The following PLEKHG4B variants were observed in gnomAD, a reference collection of about 807,000 sequenced individuals.
The protein encoded by PLEKHG4B is pleckstrin homology and RhoGEF domain containing G4B, also known as pleckstrin homology domain-containing family G member 4B.
PLEKHG4B carries 111 observed loss-of-function variants against 121.3 expected under a neutral mutation model. That is an observed-to-expected ratio of 0.92 (90% CI 0.78 to 1.07). The LOEUF is 1.07. Ranked by LOEUF, PLEKHG4B falls within the 50% of genes least tolerant of loss-of-function variation. PLEKHG4B has a pLI of 0.00. For synonymous variants in PLEKHG4B, 738 were observed against 725.0 expected (o/e 1.02, Z -0.29); for missense variants, 1,831 against 1,757.8 (o/e 1.04, Z -0.74).
intron 13 of PLEKHG4B, among the ~76,000 whole-genome samples, chr5:164,620 GTGACGGAGCGGAGCTCACACTAATGCTC>G (rs1560944977): frequency 1.5e-5 from 2 of 132,288 alleles, no homozygotes; most frequent in African/African-American, 5.5e-5. Flanking sequence ...CAGTAATGCT[GTGACGGAGCGGAGCTCACACTAATGCTC>G]TGACGGGCGG....
chr5:168,166 G>T (rs1031575121), intron 13 of PLEKHG4B, among the ~76,000 whole-genome samples: 4 of 152,186 alleles, frequency 2.6e-5, no homozygotes, highest in Non-Finnish European at 5.9e-5. Flanking sequence ...GCTCTTCAAA[G>T]ACTCAGAAGT....
intron 1 of PLEKHG4B, among the ~76,000 whole-genome samples, chr5:104,644 G>A (rs1560896436): frequency 1.3e-5 from 2 of 152,142 alleles, no homozygotes; most frequent in African/African-American, 2.4e-5. Context: ...AGTATACAAG[G>A]TAATTTTGAT....
chr5:150,499 T>C (rs555977210), intron 6 of PLEKHG4B, among the ~76,000 whole-genome samples: 6 of 152,252 alleles, frequency 3.9e-5, no homozygotes, highest in African/African-American at 1.4e-4. Flanking sequence ...ATGATGATGA[T>C]AGTGTTTCAC....
rs763960942 is a variant in PLEKHG4B at position 151,569 on chromosome 5, A to G, written c.1962A>G (p.Ala654=). Residue 654 remains alanine, a synonymous_variant, in exon 7 of 20, where the codon GCA becomes GCG. Coordinates refer to ENST00000637938, the MANE Select transcript of PLEKHG4B (RefSeq NM_052909.5). The part of the protein sequence containing the change: ...SILLLVDKES[A]FRPDKDAIIQ... ...TGCTGTTGGTAGATAAAGAATCTGCATTTAGGCCTGACAAGGATGCAATAA... is the reference window on the plus strand; with the variant it reads ...TGCTGTTGGTAGATAAAGAATCTGCGTTTAGGCCTGACAAGGATGCAATAA... The G allele has an allele frequency of 6.3e-6, 10 of 1,592,440 alleles. No individual in the cohort carries two copies. In the South Asian group the frequency reaches 1.1e-4, roughly 18 times the overall value.
rs1363214365 is a variant in PLEKHG4B at position 186,905 on chromosome 5, C to G, written c.*4582C>G. On this transcript the variant is annotated 3_prime_UTR_variant, in exon 20 of 20. Coordinates refer to ENST00000637938, the MANE Select transcript of PLEKHG4B (RefSeq NM_052909.5). ...GAAGGTGTGTGATTTCCTCCCCCAC[C>G]TCAGTACTGGGACCCCCAGGAAGGG... 6.6e-6 allele frequency: 1 copy of G among 152,516 alleles called. No individual in the cohort carries two copies. Among genetic ancestry groups the G allele is most frequent in the Non-Finnish European group, 1.5e-5 (1 of 68,310 alleles). The allele number at this position is 152,516 out of a possible 1,614,324, so 9.4% of individuals were successfully genotyped here. A position where few individuals can be genotyped will look rare whatever the true frequency, so the allele number is the denominator to read the frequency against.
intron 16 of PLEKHG4B, among the ~76,000 whole-genome samples, chr5:172,606 C>A (rs1042794636): frequency 2.6e-5 from 4 of 152,342 alleles, no homozygotes; most frequent in Admixed American, 2.0e-4. Context: ...GTGGGACGCT[C>A]ACCCCCTGAG....
Position 182,299 on chromosome 5 carries a change from GCTGAGCCGCACACGCCAGGC to G in PLEKHG4B, c.4865_4884del (p.Ser1622MetfsTer57). ...TGTGTGAGGGGGCTCCTGCTGTGCT[GCTGAGCCGCACACGCCAGGC>G]CTGATGACTGTCAGGGTGGCAGTGC... On this transcript the variant is annotated frameshift_variant, in exon 20 of 20. Coordinates refer to ENST00000637938, the MANE Select transcript of PLEKHG4B (RefSeq NM_052909.5). LOFTEE classifies it high-confidence loss of function. The G allele has an allele frequency of 6.2e-7, 1 of 1,609,810 alleles. No individual in the cohort carries two copies. Among genetic ancestry groups the G allele is most frequent in the Non-Finnish European group, 8.5e-7 (1 of 1,178,952 alleles).
chr5:157,954 G>A lies in PLEKHG4B; in HGVS notation c.2487+1043G>A, dbSNP rs1315996115. Among the ~76,000 whole-genome samples the A allele has an allele frequency of 1.3e-5, 2 of 152,270 alleles. No homozygotes were observed. The highest frequency in any genetic ancestry group is 3.9e-4 in the East Asian group (2 of 5,174). On this transcript the variant is annotated intron_variant, in intron 11 of 19. Transcript: ENST00000637938. This position sits in a 1 kb window ranked among gnomAD's most constrained non-coding sequence, Gnocchi z 4.6. ...CCTCCAGACAAAGACGTGCAGCAGG[G>A]ACGCGAGGCACTGTGCATGCTCCTG...
chr5:181,057 T>G (rs1736916042), intron 18 of PLEKHG4B, among the ~76,000 whole-genome samples: 1 of 152,234 alleles, frequency 6.6e-6, no homozygotes, highest in South Asian at 2.1e-4. Context: ...TTTGCTTAAT[T>G]TGACCAAGAA....
chr5:160,523 G>A (rs1159762836), intron 11 of PLEKHG4B, among the ~76,000 whole-genome samples: 1 of 152,092 alleles, frequency 6.6e-6, no homozygotes, highest in African/African-American at 2.4e-5. Context: ...CTCTTCACAC[G>A]TTTATTATTT....
Position 143,142 on chromosome 5 carries a change from C to T in PLEKHG4B, c.1573C>T (p.His525Tyr), listed in dbSNP as rs202070082. The change falls in exon 4 of 20, where the codon CAC (histidine) becomes TAC (tyrosine). Residue 525 changes from histidine (H) to tyrosine (Y), a missense_variant. Coordinates refer to ENST00000637938, the MANE Select transcript of PLEKHG4B (RefSeq NM_052909.5). ...GPSDVPARQP[H>Y]PEQEGWPPGT... Reference sequence around the variant, plus strand: ...TTCCGATGTGCCTGCCCGGCAGCCACACCCCGAGCAAGAAGGGTGGCCACC... The same window carrying T: ...TTCCGATGTGCCTGCCCGGCAGCCATACCCCGAGCAAGAAGGGTGGCCACC... 208 of 1,612,666 alleles carry T rather than the reference C, an allele frequency of 1.3e-4. No homozygotes were observed. The highest frequency in any genetic ancestry group is 9.7e-4 in the Admixed American group (58 of 60,034).
chr5:162,066 C>T lies in PLEKHG4B; in HGVS notation c.2649+122C>T, dbSNP rs975584276. ...CTGTGGGACAGAGGCCGGGCACCTG[C>T]GATGGAGCCCCCCTGGCCACTGCGC... On this transcript the variant is annotated intron_variant, in intron 12 of 19. Transcript: ENST00000637938. 163 of 1,276,468 alleles carry T rather than the reference C, an allele frequency of 1.3e-4. 1 individual carries two copies. Among genetic ancestry groups the T allele is most frequent in the East Asian group, 9.2e-4 (36 of 39,328 alleles). The allele number at this position is 1,276,468 out of a possible 1,614,324, so 79.1% of individuals were successfully genotyped here.
In PLEKHG4B at chr5:174,010, C is replaced by A. The variant is rs755120984; in HGVS notation, c.4314C>A (p.Tyr1438Ter). 2 of 1,610,462 alleles carry A rather than the reference C, an allele frequency of 1.2e-6. No homozygotes were observed. Among genetic ancestry groups the A allele is most frequent in the Admixed American group, 1.7e-5 (1 of 59,442 alleles). ...GGCGGCGGAAATCTCAGGACACCTA[C>A]ATTCTCCAAGCAAGCTCGGCAGAGG... The part of the protein sequence containing the change: ...FRRRRKSQDT[Y>*]ILQASSAEVK... Residue 1438 changes from tyrosine (Y) to a stop codon, truncating the protein, a stop_gained, in exon 18 of 20, where the codon TAC (tyrosine) becomes TAA (stop). Coordinates refer to ENST00000637938, the MANE Select transcript of PLEKHG4B (RefSeq NM_052909.5). LOFTEE classifies it high-confidence loss of function.
intron 2 of PLEKHG4B, among the ~76,000 whole-genome samples, chr5:128,519 G>C (rs1184623507): frequency 6.6e-6 from 1 of 152,144 alleles, no homozygotes; most frequent in Non-Finnish European, 1.5e-5. Flanking sequence ...GTTTCTTGGG[G>C]TTTTTTGGCC....
chr5:135,706 T>TATACATAC (rs1734962905), intron 2 of PLEKHG4B, among the ~76,000 whole-genome samples: 1 of 95,380 alleles, frequency 1.0e-5, no homozygotes, highest in African/African-American at 5.2e-5. Flanking sequence ...TATATATATA[T>TATACATAC]ATATATATAT....
At chr5:131,836 G>T (rs1003473930) in intron 2 of PLEKHG4B, among the ~76,000 whole-genome samples, 2 of 152,174 alleles carry the variant, frequency 1.3e-5, no homozygotes, top group Non-Finnish European at 2.9e-5. Flanking sequence ...TCTCATTGTG[G>T]TTTTGATTAG....
intron 2 of PLEKHG4B, among the ~76,000 whole-genome samples, chr5:117,859 CA>C (rs1734348850): frequency 6.6e-6 from 1 of 151,532 alleles, no homozygotes; most frequent in Non-Finnish European, 1.5e-5. Flanking sequence ...TCAAAAAGAA[CA>C]AAAAACGTTT....
intron 1 of PLEKHG4B, among the ~76,000 whole-genome samples, chr5:98,188 T>C (rs920307088): frequency 6.6e-6 from 1 of 152,080 alleles, no homozygotes; most frequent in African/African-American, 2.4e-5. Context: ...TGGTTTTAGG[T>C]CTTGTGTTTA....
chr5:180,544 C>T (rs550958722), intron 18 of PLEKHG4B, among the ~76,000 whole-genome samples: 1 of 152,308 alleles, frequency 6.6e-6, no homozygotes, highest in South Asian at 2.1e-4. Flanking sequence ...CACATCTGCC[C>T]AGGACATTGG....
Sources: gnomAD v4.1 joint callset for allele counts (sites outside exome capture counted in the v4.1 genomes callset) on GRCh38, gnomAD v4.1.1 for gene constraint, Gnocchi (gnomAD v3.1) non-coding constraint, MANE v1.5 for transcripts, NCBI Gene and HGNC (gene_info 2026-07-23, HGNC 2026-07-21) for gene names.